The following DCAF1 variants were observed in gnomAD, a reference collection of about 807,000 sequenced individuals.
DCAF1 encodes DDB1- and CUL4-associated factor 1.
DCAF1 carries 15 observed loss-of-function variants against 128.0 expected under a neutral mutation model. The ratio of observed to expected loss-of-function variants is 0.12; its 90% CI spans 0.08 to 0.18. DCAF1 has a LOEUF of 0.18. DCAF1 is among the 10% of genes least tolerant of loss of function. The pLI is 1.00. For missense variants in DCAF1, 988 were observed against 1,649.5 expected, an observed-to-expected ratio of 0.60 and a Z score of 6.95; for synonymous variants, 610 against 603.0, an observed-to-expected ratio of 1.01 and a Z score of -0.17.
intron 6 of DCAF1, among the ~76,000 whole-genome samples, chr3:51,454,648 C>A (rs1213515570): frequency 6.6e-6 from 1 of 152,224 alleles, no homozygotes; most frequent in Non-Finnish European, 1.5e-5. Flanking sequence ...CAGGCGTGAG[C>A]CACGACGCCC....
chr3:51,459,220 G>T (rs1376665708), intron 6 of DCAF1, among the ~76,000 whole-genome samples: 1 of 151,998 alleles, frequency 6.6e-6, no homozygotes, highest in Non-Finnish European at 1.5e-5. Flanking sequence ...AATGATAAAG[G>T]GGATATCACA....
chr3:51,454,344 T>C (rs1239878565), intron 6 of DCAF1, among the ~76,000 whole-genome samples: 4 of 152,126 alleles, frequency 2.6e-5, no homozygotes, highest in Non-Finnish European at 4.4e-5. Flanking sequence ...CCAACTCACC[T>C]GGCCCTAATT....
downstream of DCAF1, chr3:51,397,506 A>G (rs548600186): frequency 1.2e-5 from 2 of 167,002 alleles, no homozygotes; most frequent in Non-Finnish European, 2.9e-5. Context: ...ATCCTCCAAA[A>G]CTTCCCAGAA....
intron 3 of DCAF1, among the ~76,000 whole-genome samples, chr3:51,480,460 G>A (rs1374576329): frequency 2.6e-5 from 4 of 151,850 alleles, no homozygotes; most frequent in South Asian, 2.1e-4. Flanking sequence ...CTGGGCGTGC[G>A]TGGTGGTGGG....
At chr3:51,433,778 G>A (rs985959216) in intron 9 of DCAF1, among the ~76,000 whole-genome samples, 22 of 149,898 alleles carry the variant, frequency 1.5e-4, no homozygotes, top group African/African-American at 5.1e-4. Flanking sequence ...TTTTTATGAA[G>A]GTGAAAGATA....
chr3:51,446,672 A>T (rs1456550635), intron 6 of DCAF1, among the ~76,000 whole-genome samples: 1 of 151,896 alleles, frequency 6.6e-6, no homozygotes, highest in African/African-American at 2.4e-5. Flanking sequence ...AATGAAAAAA[A>T]ATACTGGCCG....
chr3:51,437,420 G>A (rs1553637212), intron 9 of DCAF1: 1 of 511,332 alleles, frequency 2.0e-6, no homozygotes, highest in Non-Finnish European at 3.9e-6. Flanking sequence ...AAGCTGATCT[G>A]AATGGAGCAA....
intron 2 of DCAF1, among the ~76,000 whole-genome samples, chr3:51,493,858 G>A (rs936478863): frequency 4.0e-5 from 6 of 151,824 alleles, no homozygotes; most frequent in South Asian, 2.1e-4. Flanking sequence ...TTAGCCGGGC[G>A]TGGTGGCATG....
At chr3:51,404,536 A>G (rs1553626030) in intron 23 of DCAF1, among the ~76,000 whole-genome samples, 1 of 152,236 alleles carries the variant, frequency 6.6e-6, no homozygotes. Context: ...GTGTAACATA[A>G]GCTAGGATCA....
At chr3:51,445,742 T>G (rs537813752) in intron 6 of DCAF1, among the ~76,000 whole-genome samples, 5 of 152,138 alleles carry the variant, frequency 3.3e-5, no homozygotes, top group Non-Finnish European at 7.3e-5. Flanking sequence ...GAGGCCAAAT[T>G]TTTCCAAAGT....
In DCAF1 at chr3:51,488,308, T is replaced by C. The variant is rs1553656362; in HGVS notation, c.-8-4472A>G. 1.9e-4 allele frequency among the ~76,000 whole-genome samples: 29 copies of C among 152,284 alleles called. 1 individual carries two copies. Reference sequence around the variant, plus strand: ...TAAAGATATCACAAGAAAAGAAAGCTACAGCCTGATGTCCTTTATGACTGC... The same window carrying C: ...TAAAGATATCACAAGAAAAGAAAGCCACAGCCTGATGTCCTTTATGACTGC... On this transcript the variant is annotated intron_variant, in intron 2 of 24. Coordinates refer to ENST00000684031, the MANE Select transcript of DCAF1 (RefSeq NM_001387579.1).
At chr3:51,447,940 C>A (rs1553640618) in intron 6 of DCAF1, among the ~76,000 whole-genome samples, 1 of 151,850 alleles carries the variant, frequency 6.6e-6, no homozygotes, top group Non-Finnish European at 1.5e-5. Context: ...GAGCAAGACT[C>A]TGACTCAATT....
rs78262170 is a variant in DCAF1 at position 51,422,978 on chromosome 3, G to T, written c.1848-547C>A. 1.9e-4 allele frequency among the ~76,000 whole-genome samples: 29 copies of T among 152,048 alleles called. 1 individual carries two copies. The East Asian group carries it at 5.6e-3, about 29-fold the overall frequency. On this transcript the variant is annotated intron_variant, in intron 13 of 24. Transcript: ENST00000684031. ...AGCTTCTCAGGAGGCTGAGGTGGGA[G>T]GATCACCTATGCCCAGGAAGTTGAG...
intron 6 of DCAF1, among the ~76,000 whole-genome samples, chr3:51,457,271 A>G (rs1157700937): frequency 6.6e-6 from 1 of 152,226 alleles, no homozygotes; most frequent in African/African-American, 2.4e-5. Flanking sequence ...ACGAATGCAG[A>G]AGCCTCAGTA....
rs1261962286 is a variant in DCAF1 at position 51,483,637 on chromosome 3, G to GTA, written c.110+81_110+82insTA. ...TGTGTGTGTGTGTGTGTGTGTGTGT[G>GTA]TGTGTGTGTATGAAGAAATCTAGCG... On this transcript the variant is annotated intron_variant, in intron 3 of 24. Transcript: ENST00000684031. 4.4e-5 allele frequency: 38 copies of GTA among 863,760 alleles called. 2 individuals carry two copies. Among genetic ancestry groups the GTA allele is most frequent in the Admixed American group, 3.3e-4 (17 of 50,944 alleles). 53.5% of individuals were successfully genotyped at this position (863,760 alleles called of 1,614,324 possible).
At chr3:51,498,750 A>G (rs1553662648) in intron 1 of DCAF1, among the ~76,000 whole-genome samples, 1 of 152,216 alleles carries the variant, frequency 6.6e-6, no homozygotes, top group African/African-American at 2.4e-5. Context: ...GGTAATGAAT[A>G]AATGTTATAT....
chr3:51,436,437 T>A (rs1251829875), intron 9 of DCAF1: 7 of 520,006 alleles, frequency 1.3e-5, no homozygotes, highest in Admixed American at 1.2e-4. Context: ...TACGGAATTA[T>A]GACACTGAGC....
At chr3:51,504,346 TTTTA>T (rs781873723), upstream of DCAF1, among the ~76,000 whole-genome samples, 4 of 151,428 alleles carry the variant, frequency 2.6e-5, no homozygotes, top group Non-Finnish European at 4.4e-5. Flanking sequence ...ACCCCTGAAC[TTTTA>T]TTTATTTATT....
rs1553632313 is a variant in DCAF1, at chr3:51,420,866, A to C, written c.2104T>G (p.Phe702Val). ...PDNRISSIGK[F>V]ISGTPRRKLP... ...TTTCTCCGAGGAGTACCAGAGATAA[A>C]TTTACCAATACTGGATATTCGGTTA... Residue 702 changes from phenylalanine to valine, a missense_variant, in exon 15 of 25, where the codon TTT (phenylalanine) becomes GTT (valine). Transcript: ENST00000684031. The surrounding 1 kb of genome is among the most constrained non-coding windows in gnomAD (Gnocchi z 6.5). The C allele has an allele frequency of 6.2e-7, 1 of 1,613,996 alleles. No individual in the cohort carries two copies. The highest frequency in any genetic ancestry group is 1.3e-5 in the African/African-American group (1 of 75,028).
Sources: gnomAD v4.1 joint callset for allele counts (sites outside exome capture counted in the v4.1 genomes callset) on GRCh38, gnomAD v4.1.1 for gene constraint, Gnocchi (gnomAD v3.1) non-coding constraint, MANE v1.5 for transcripts, NCBI Gene and HGNC (gene_info 2026-07-23, HGNC 2026-07-21) for gene names.